Variants in DDX25 observed in about 807,000 individuals in gnomAD.
DDX25 encodes ATP-dependent RNA helicase DDX25.
DDX25 carries 70 observed loss-of-function variants against 64.6 expected under a neutral mutation model. That is an observed-to-expected ratio of 1.08 (90% CI 0.89 to 1.32). The LOEUF (loss-of-function observed/expected upper bound fraction) is 1.32. Ranked by LOEUF, DDX25 falls within the 40% of genes most tolerant of loss-of-function variation. DDX25 has a pLI of 0.00. For synonymous variants in DDX25, 211 were observed against 213.3 expected, an observed-to-expected ratio of 0.99 and a Z score of 0.09; for missense variants, 587 against 604.4, an observed-to-expected ratio of 0.97 and a Z score of 0.30.
At chr11:125,905,977 G>T in intron 3 of DDX25, 97 bp from the exon 4 acceptor site, 1 of 1,401,396 alleles carries the variant, frequency 7.1e-7, no homozygotes. Context: ...GAGCGTAGGT[G>T]CAATTGCTTG....
intron 11 of DDX25, 63 bp from the exon 12 acceptor site, chr11:125,922,757 A>G: frequency 6.9e-7 from 1 of 1,442,046 alleles, no homozygotes; most frequent in Non-Finnish European, 9.5e-7. Flanking sequence ...AGAAATATGG[A>G]TGGAATGAAG....
At chr11:125,906,584 G>A (rs1944891417) in intron 4 of DDX25, among the ~76,000 whole-genome samples, 1 of 152,052 alleles carries the variant, frequency 6.6e-6, no homozygotes, top group African/African-American at 2.4e-5. Flanking sequence ...CCCAACACTT[G>A]GGAGCTGAGG....
chr11:125,921,513 T>C lies in DDX25; in HGVS notation c.1390+134T>C. 1 of 959,116 alleles carries C rather than the reference T, an allele frequency of 1.0e-6. No individual in the cohort carries two copies. 59.4% of individuals were successfully genotyped at this position (959,116 alleles called of 1,614,324 possible). A position where few individuals can be genotyped will look rare whatever the true frequency, so the allele number is the denominator to read the frequency against. ...ATGCATGAGCTGGAAGGCTTCTAAT[T>C]CACAGGACCAGGGTTCTAATATGAG... is the stretch of plus-strand genomic sequence containing the variant. On this transcript the variant is annotated intron_variant, in intron 11 of 11. Coordinates refer to ENST00000263576, the MANE Select transcript of DDX25 (RefSeq NM_013264.5). The surrounding 1 kb of genome is among the most constrained non-coding windows in gnomAD (Gnocchi z 4.1).
rs770382761 is a variant in DDX25, at chr11:125,917,212, T to A, written c.999T>A (p.Tyr333Ter). Reference protein sequence around the residue: ...KDKYQALCNIYGSITIGQAII... With the variant: ...KDKYQALCNI ...AATACCAAGCTCTGTGCAACATTTATGGCAGCATCACCATTGGTCAGGCCA... is the reference window on the plus strand; with the variant it reads ...AATACCAAGCTCTGTGCAACATTTAAGGCAGCATCACCATTGGTCAGGCCA... Residue 333 changes from tyrosine to a stop codon, truncating the protein, a stop_gained, in exon 9 of 12, where the codon TAT (tyrosine) becomes TAA (stop). Coordinates refer to ENST00000263576, the MANE Select transcript of DDX25 (RefSeq NM_013264.5). LOFTEE classifies it high-confidence loss of function. 3 of 1,609,964 alleles carry A rather than the reference T, an allele frequency of 1.9e-6. No individual in the cohort carries two copies. The South Asian group carries it at 3.3e-5, about 18-fold the overall frequency.
chr11:125,924,699 C>T lies in DDX25; in HGVS notation c.*1818C>T, dbSNP rs1305804998. 1 of 152,300 alleles carries T rather than the reference C, an allele frequency of 6.6e-6. No homozygotes were observed. Among genetic ancestry groups the T allele is most frequent in the Non-Finnish European group, 1.5e-5 (1 of 68,080 alleles). The allele number at this position is 152,300 out of a possible 1,614,324, so 9.4% of individuals were successfully genotyped here. On this transcript the variant is annotated 3_prime_UTR_variant, in exon 12 of 12. Transcript: ENST00000263576. ...CCTTCCCCATGCAGATGAAAGCAGA[C>T]TCTCCGAGGGCAGAGCCCAGAAATA...
intron 11 of DDX25, chr11:125,922,491 G>C (rs1945127848): frequency 4.0e-6 from 1 of 249,534 alleles, no homozygotes; most frequent in Admixed American, 5.4e-5. Flanking sequence ...TGAGGAAGAT[G>C]TGTTAAGGCC....
chr11:125,903,581 G>A (rs1186105135), upstream of DDX25, among the ~76,000 whole-genome samples: 2 of 152,008 alleles, frequency 1.3e-5, no homozygotes, highest in Non-Finnish European at 1.5e-5. Flanking sequence ...AAATGAATAT[G>A]ATAATCTCAA....
chr11:125,910,442 G>T lies in DDX25; in HGVS notation c.586G>T (p.Asp196Tyr), dbSNP rs773592199. 1.9e-6 allele frequency: 3 copies of T among 1,613,874 alleles called. No homozygotes were observed. Among genetic ancestry groups the T allele is most frequent in the South Asian group, 1.1e-5 (1 of 91,086 alleles). ...TGAGCAGATGGGAAAATTCTGTGTG[G>T]ATGTTCAAGTGATGTATGCCATTCG... Reference protein sequence around the residue: ...VVEQMGKFCVDVQVMYAIRGN... With the variant: ...VVEQMGKFCVYVQVMYAIRGN... Residue 196 changes from aspartate (D) to tyrosine (Y), a missense_variant, in exon 7 of 12, where the codon GAT becomes TAT. Transcript: ENST00000263576.
At chr11:125,904,455 G>T, upstream of DDX25, 1 of 1,425,450 alleles carries the variant, frequency 7.0e-7, no homozygotes, top group Non-Finnish European at 9.2e-7. Context: ...AGCGGATGGG[G>T]CCAGCACCGC....
rs986047421 is a variant in DDX25, at chr11:125,906,140, G to A, written c.242G>A (p.Arg81His). The A allele has an allele frequency of 6.4e-6, 10 of 1,551,144 alleles. No individual in the cohort carries two copies. Among genetic ancestry groups the A allele is most frequent in the South Asian group, 3.6e-5 (3 of 83,952 alleles). ...CAATCCTTAGTAGAATCCAGTCACC[G>A]TGTGGAAGTTTTACAGAAGGATCCC... ...IHQSLVESSH[R>H]VEVLQKDPSS... The change falls in exon 4 of 12, where the codon CGT (arginine) becomes CAT (histidine). Residue 81 changes from arginine (R) to histidine (H), a missense_variant. Coordinates refer to ENST00000263576, the MANE Select transcript of DDX25 (RefSeq NM_013264.5).
chr11:125,909,575 T>TA (rs1944938151), intron 6 of DDX25, among the ~76,000 whole-genome samples: 1 of 151,890 alleles, frequency 6.6e-6, no homozygotes, highest in Non-Finnish European at 1.5e-5. Flanking sequence ...GTTATATATA[T>TA]CATATTATGT....
chr11:125,918,574 A>G, intron 9 of DDX25, 54 bp from the exon 10 acceptor site: 1 of 1,578,964 alleles, frequency 6.3e-7, no homozygotes, highest in Admixed American at 1.7e-5. Context: ...AAGCACAGCT[A>G]GGCTGCTTTG....
intron 6 of DDX25, among the ~76,000 whole-genome samples, chr11:125,909,948 A>G (rs1486928891): frequency 1.3e-5 from 2 of 152,084 alleles, no homozygotes; most frequent in Admixed American, 1.3e-4. Context: ...CACCGTGCCC[A>G]ACCTCAAAAA....
chr11:125,914,892 G>A (rs941261401), intron 8 of DDX25, among the ~76,000 whole-genome samples: 15 of 152,248 alleles, frequency 9.9e-5, no homozygotes, highest in African/African-American at 3.4e-4. Flanking sequence ...ACAGGCACGT[G>A]CCACCACACC....
Position 125,926,688 on chromosome 11 carries a change from A to G in DDX25, c.*3807A>G, listed in dbSNP as rs1290148469. On this transcript the variant is annotated 3_prime_UTR_variant, in exon 12 of 12. Coordinates refer to ENST00000263576, the MANE Select transcript of DDX25 (RefSeq NM_013264.5). ...CTCCCGAGTAGCTGGGGCTACAGGCACATGCCACCACGCCTGGCTTATTTT... is the reference window on the plus strand; with the variant it reads ...CTCCCGAGTAGCTGGGGCTACAGGCGCATGCCACCACGCCTGGCTTATTTT... 6.6e-6 allele frequency: 1 copy of G among 152,056 alleles called. No individual in the cohort carries two copies. The highest frequency in any genetic ancestry group is 1.5e-5 in the Non-Finnish European group (1 of 68,036). 9.4% of individuals were successfully genotyped at this position (152,056 alleles called of 1,614,324 possible). A position where few individuals can be genotyped will look rare whatever the true frequency, so the allele number is the denominator to read the frequency against.
intron 8 of DDX25, 116 bp from the exon 9 acceptor site, chr11:125,916,898 G>T: frequency 1.0e-6 from 1 of 978,598 alleles, no homozygotes; most frequent in Non-Finnish European, 1.5e-6. Flanking sequence ...GGTCATTGCA[G>T]GCAGCACCTC....
At chr11:125,908,373 A>G (rs757583013) in intron 5 of DDX25, 28 bp from the exon 6 acceptor site, 3 of 1,613,682 alleles carry the variant, frequency 1.9e-6, no homozygotes, top group Non-Finnish European at 2.5e-6. Flanking sequence ...TATTCAGTTT[A>G]TGCCCAGTGG....
In DDX25 at chr11:125,923,333, C is replaced by T. The variant is rs1945137472; in HGVS notation, c.*452C>T. On this transcript the variant is annotated 3_prime_UTR_variant, in exon 12 of 12. Coordinates refer to ENST00000263576, the MANE Select transcript of DDX25 (RefSeq NM_013264.5). Reference sequence around the variant, plus strand: ...ATTTATGCCTTTCCCCGCTCCCCGCCTTAAACTCCCCCATGCATGCACATG... The same window carrying T: ...ATTTATGCCTTTCCCCGCTCCCCGCTTTAAACTCCCCCATGCATGCACATG... 6.4e-6 allele frequency: 1 copy of T among 155,190 alleles called. No homozygotes were observed. The highest frequency in any genetic ancestry group is 6.5e-5 in the Admixed American group (1 of 15,450). The allele number at this position is 155,190 out of a possible 1,614,324, so 9.6% of individuals were successfully genotyped here.
At position 125,925,302 on chromosome 11, in the gene DDX25, T is replaced by C. The variant is rs1281086705; in HGVS notation, c.*2421T>C. 2.4e-6 allele frequency: 1 copy of C among 419,354 alleles called. No individual in the cohort carries two copies. The highest frequency in any genetic ancestry group is 2.0e-5 in the African/African-American group (1 of 49,500). 26.0% of individuals were successfully genotyped at this position (419,354 alleles called of 1,614,324 possible). On this transcript the variant is annotated 3_prime_UTR_variant, in exon 12 of 12. Coordinates refer to ENST00000263576, the MANE Select transcript of DDX25 (RefSeq NM_013264.5). ...TGGCAGCTGTTCCCACAGGTCTGCA[T>C]GAACCAGGTATTTTTCTGCGTTCCC...
Sources: allele counts gnomAD v4.1 joint callset (sites outside exome capture counted in the v4.1 genomes callset), GRCh38; gene constraint gnomAD v4.1.1; non-coding constraint Gnocchi (gnomAD v3.1); transcripts MANE v1.5; gene names NCBI Gene and HGNC (gene_info 2026-07-23, HGNC 2026-07-21).